The following DAAM1 variants were observed in gnomAD, a reference collection of about 807,000 sequenced individuals.
The protein encoded by DAAM1 is disheveled-associated activator of morphogenesis 1.
DAAM1 carries 52 observed loss-of-function variants against 130.0 expected under a neutral mutation model. The ratio of observed to expected loss-of-function variants is 0.40; its 90% CI spans 0.32 to 0.50. DAAM1 has a LOEUF of 0.50. DAAM1 is among the 20% of genes least tolerant of loss of function. The pLI is 0.61. For missense variants in DAAM1, 1,134 were observed against 1,303.8 expected, an observed-to-expected ratio of 0.87 and a Z score of 2.01; for synonymous variants, 452 against 444.5, an observed-to-expected ratio of 1.02 and a Z score of -0.21.
In DAAM1 at chr14:59,326,088, T is replaced by C; in HGVS notation, c.1174+11T>C. On this transcript the variant is annotated intron_variant, in intron 10 of 24. Coordinates refer to ENST00000360909, the MANE Select transcript of DAAM1 (RefSeq NM_001270520.2). ...GCCTCCAAATGCCTTGTAAGTGTGT[T>C]CGTGACTCACATGTGTGCTTCTGAA... 6.2e-7 allele frequency: 1 copy of C among 1,610,248 alleles called. No individual in the cohort carries two copies. Among genetic ancestry groups the C allele is most frequent in the Non-Finnish European group, 8.5e-7 (1 of 1,176,458 alleles).
At chr14:59,287,504 A>G (rs879440506) in intron 2 of DAAM1, among the ~76,000 whole-genome samples, 4 of 152,122 alleles carry the variant, frequency 2.6e-5, no homozygotes, top group Non-Finnish European at 5.9e-5. Flanking sequence ...TCTCTTTATG[A>G]TGTGTTTCTA....
intron 2 of DAAM1, among the ~76,000 whole-genome samples, chr14:59,289,314 C>G (rs1167721679): frequency 6.6e-6 from 1 of 152,138 alleles, no homozygotes; most frequent in African/African-American, 2.4e-5. Context: ...TAACCTCCCA[C>G]CAGGCCCCTC....
intron 1 of DAAM1, among the ~76,000 whole-genome samples, chr14:59,262,550 A>G (rs1050206518): frequency 2.5e-4 from 38 of 152,192 alleles, no homozygotes; most frequent in Admixed American, 2.2e-3. Flanking sequence ...TTATAAATAC[A>G]TACATTCTTT....
intron 3 of DAAM1, among the ~76,000 whole-genome samples, chr14:59,300,964 T>G (rs1884144738): frequency 6.6e-6 from 1 of 152,192 alleles, no homozygotes; most frequent in South Asian, 2.1e-4. Context: ...AATAGACACC[T>G]AGACATGTAG....
At chr14:59,224,395 C>T (rs1888872024) in intron 1 of DAAM1, among the ~76,000 whole-genome samples, 1 of 152,210 alleles carries the variant, frequency 6.6e-6, no homozygotes, top group Non-Finnish European at 1.5e-5. Context: ...TGGCACATCT[C>T]TGTAAACCCT....
chr14:59,202,821 G>C (rs534211759), intron 1 of DAAM1, among the ~76,000 whole-genome samples: 1 of 152,286 alleles, frequency 6.6e-6, no homozygotes, highest in Admixed American at 6.5e-5. Context: ...AATCCCAAAT[G>C]AGTTTTTAAG....
At chr14:59,313,658 A>G (rs964560099) in intron 3 of DAAM1, among the ~76,000 whole-genome samples, 1 of 152,250 alleles carries the variant, frequency 6.6e-6, no homozygotes, top group Non-Finnish European at 1.5e-5. Flanking sequence ...TTCAAATACC[A>G]TTGAATATCA....
chr14:59,249,039 G>A (rs1230769969), intron 1 of DAAM1, among the ~76,000 whole-genome samples: 5 of 152,086 alleles, frequency 3.3e-5, no homozygotes, highest in East Asian at 3.8e-4. Flanking sequence ...CGTCTGCCTC[G>A]GCCTCCGAAA....
chr14:59,229,844 A>G (rs975750684), intron 1 of DAAM1, among the ~76,000 whole-genome samples: 1 of 152,200 alleles, frequency 6.6e-6, no homozygotes, highest in Non-Finnish European at 1.5e-5. Context: ...TTCCATCCTG[A>G]TAGGTGGCCA....
chr14:59,202,289 A>C (rs1002527388), intron 1 of DAAM1, among the ~76,000 whole-genome samples: 20 of 152,006 alleles, frequency 1.3e-4, no homozygotes, highest in Admixed American at 6.5e-5. Context: ...ACTACATCTC[A>C]TGGAGGACCT....
intron 1 of DAAM1, among the ~76,000 whole-genome samples, chr14:59,225,022 T>TG (rs1888893646): frequency 8.0e-6 from 1 of 125,520 alleles, no homozygotes; most frequent in African/African-American, 3.0e-5. Context: ...TGTGTGGGTT[T>TG]TTTTTTTTTT....
At chr14:59,236,898 A>G (rs1161376396) in intron 1 of DAAM1, among the ~76,000 whole-genome samples, 3 of 152,002 alleles carry the variant, frequency 2.0e-5, no homozygotes, top group East Asian at 3.9e-4. Context: ...GGGATCAGCA[A>G]TTTTTTTCTG....
chr14:59,326,360 G>T (rs1885203119), intron 10 of DAAM1, 150 bp from the exon 11 acceptor site: 1 of 796,196 alleles, frequency 1.3e-6, no homozygotes, highest in Non-Finnish European at 1.9e-6. Flanking sequence ...ATCATTGCAT[G>T]TCAAAATTCC....
chr14:59,345,422 A>G (rs548219688), intron 16 of DAAM1, among the ~76,000 whole-genome samples: 157 of 152,208 alleles, frequency 1.0e-3, no homozygotes, highest in Non-Finnish European at 1.9e-3. Flanking sequence ...CATTTTGTCT[A>G]GATGCTTTAT....
chr14:59,278,980 A>AT (rs1883094963), intron 2 of DAAM1, among the ~76,000 whole-genome samples: 3 of 151,916 alleles, frequency 2.0e-5, no homozygotes, highest in Non-Finnish European at 2.9e-5. Context: ...ACAAAGCTGT[A>AT]TTTTTTCTAC....
chr14:59,292,118 C>A (rs4898983), intron 3 of DAAM1, among the ~76,000 whole-genome samples: 93,366 of 151,848 alleles, frequency 0.61, 29,759 homozygotes, highest in East Asian at 0.9. Flanking sequence ...TTGGGGACTC[C>A]TTCTGTTCAT....
intron 1 of DAAM1, among the ~76,000 whole-genome samples, chr14:59,206,482 A>G (rs193015699): frequency 1.2e-3 from 177 of 152,196 alleles, no homozygotes; most frequent in African/African-American, 4.2e-3. Context: ...TTACCGTGTT[A>G]GCCAGGATGG....
At position 59,369,034 on chromosome 14, in the gene DAAM1, G is replaced by C. The variant is rs962668112; in HGVS notation, c.*175G>C. 4 of 596,528 alleles carry C rather than the reference G, an allele frequency of 6.7e-6. No individual in the cohort carries two copies. The highest frequency in any genetic ancestry group is 1.2e-5 in the Non-Finnish European group (4 of 344,552). The allele number at this position is 596,528 out of a possible 1,614,324, so 37.0% of individuals were successfully genotyped here. On this transcript the variant is annotated 3_prime_UTR_variant, in exon 25 of 25. Transcript: ENST00000360909. ...GTGTATATATTAAAAAATGTATATA[G>C]ATGTCTGAGTGTTGTCTGGAGACCT... is the stretch of plus-strand genomic sequence containing the variant.
intron 16 of DAAM1, among the ~76,000 whole-genome samples, chr14:59,345,885 G>A (rs1473897889): frequency 3.3e-5 from 5 of 152,146 alleles, no homozygotes. Context: ...GTGAAATAGT[G>A]GGTATGACAG....
Sources: gnomAD v4.1 joint callset for allele counts (sites outside exome capture counted in the v4.1 genomes callset) on GRCh38, gnomAD v4.1.1 for gene constraint, MANE v1.5 for transcripts, NCBI Gene and HGNC (gene_info 2026-07-23, HGNC 2026-07-21) for gene names.